The following AGMO variants were observed in gnomAD, a reference collection of about 807,000 sequenced individuals.
The protein encoded by AGMO is glyceryl-ether monooxygenase.
In AGMO, 75 loss-of-function variants were observed where a neutral mutation model predicts 60.2. That is an observed-to-expected ratio of 1.25 (90% CI 1.03 to 1.51). The LOEUF (loss-of-function observed/expected upper bound fraction) is 1.51, where lower values mean the gene tolerates loss of function less well. Ranked by LOEUF, AGMO falls within the 40% of genes most tolerant of loss-of-function variation. AGMO has a pLI of 0.00. For synonymous variants in AGMO, 261 were observed against 177.1 expected (o/e 1.47, Z -3.76); for missense variants, 763 against 525.5 (o/e 1.45, Z -4.42).
At chr7:15,398,156 C>T (rs1784461274) in intron 5 of AGMO, among the ~76,000 whole-genome samples, 1 of 152,118 alleles carries the variant, frequency 6.6e-6, no homozygotes, top group Admixed American at 6.5e-5. Context: ...CTACACTGAC[C>T]AGCTTCTGCT....
intron 10 of AGMO, among the ~76,000 whole-genome samples, chr7:15,367,143 T>C (rs1361967185): frequency 6.6e-6 from 1 of 152,026 alleles, no homozygotes; most frequent in Non-Finnish European, 1.5e-5. Context: ...TAAATATTTG[T>C]CTCAATTTTA....
chr7:15,451,905 A>G (rs1281939362), intron 3 of AGMO, among the ~76,000 whole-genome samples: 3 of 152,188 alleles, frequency 2.0e-5, no homozygotes, highest in Non-Finnish European at 4.4e-5. Context: ...ACTTATTGGA[A>G]CACGGTTTGA....
chr7:15,337,261 C>T (rs1165571694), intron 12 of AGMO, among the ~76,000 whole-genome samples: 2 of 152,082 alleles, frequency 1.3e-5, no homozygotes, highest in African/African-American at 4.8e-5. Flanking sequence ...TGGAATAATG[C>T]AGGAAATATG....
In AGMO at chr7:15,348,338, C is replaced by T. The variant is rs115352343; in HGVS notation, c.1263+17176G>A. The stretch of plus-strand genomic sequence containing the variant: ...ACATACTACTTAAAATGATCCTGGC[C>T]GGAGATAAGCAAGTGAAATTGCATT... On this transcript the variant is annotated intron_variant, in intron 12 of 12. Transcript: ENST00000342526. Among the ~76,000 whole-genome samples, 453 of 151,792 alleles carry T rather than the reference C, an allele frequency of 3.0e-3. 2 individuals are homozygous for T. The highest frequency in any genetic ancestry group is 0.01 in the African/African-American group (430 of 41,432).
rs549370438 is a variant in AGMO at position 15,557,547 on chromosome 7, A to G, written c.257+2594T>C. 2.4e-4 allele frequency among the ~76,000 whole-genome samples: 37 copies of G among 152,052 alleles called. No individual in the cohort carries two copies. In the East Asian group the frequency reaches 6.8e-3, roughly 28 times the overall value. ...TTTTTCTGAAAGGGGATTGAGAGGA[A>G]TGGATCCACAGGCTCGCTTTTCCTT... On this transcript the variant is annotated intron_variant, in intron 2 of 12. Coordinates refer to ENST00000342526, the MANE Select transcript of AGMO (RefSeq NM_001004320.2).
the AGMO span, among the ~76,000 whole-genome samples, chr7:15,119,029 T>A: frequency 6.6e-6 from 1 of 151,166 alleles, no homozygotes; most frequent in Non-Finnish European, 1.5e-5. Flanking sequence ...GAACTAGATA[T>A]GAGTGGAAAA....
chr7:15,560,025 A>AT, intron 2 of AGMO, 116 bp downstream of exon 2: 1 of 1,076,678 alleles, frequency 9.3e-7, no homozygotes, highest in Non-Finnish European at 1.3e-6. Flanking sequence ...CATGAACTGA[A>AT]TTTTTTGGGA....
chr7:15,182,104 A>T, the AGMO span, among the ~76,000 whole-genome samples: 1 of 152,360 alleles, frequency 6.6e-6, no homozygotes, highest in Non-Finnish European at 1.5e-5. Context: ...AGTCAAAAAA[A>T]GGAAAAATAT....
intron 12 of AGMO, among the ~76,000 whole-genome samples, chr7:15,348,156 CA>C (rs1782102736): frequency 6.6e-6 from 1 of 151,848 alleles, no homozygotes; most frequent in Non-Finnish European, 1.5e-5. Context: ...ACATGTAATC[CA>C]AAAGGAACAG....
At chr7:15,272,416 G>C (rs553539556) in intron 12 of AGMO, among the ~76,000 whole-genome samples, 2 of 151,742 alleles carry the variant, frequency 1.3e-5, no homozygotes, top group Non-Finnish European at 2.9e-5. Context: ...TCCTGAGAAA[G>C]ATAGTTTCCA....
intron 12 of AGMO, among the ~76,000 whole-genome samples, chr7:15,342,355 C>T (rs1781882746): frequency 6.6e-6 from 1 of 151,632 alleles, no homozygotes; most frequent in Non-Finnish European, 1.5e-5. Context: ...AATTGCTGCT[C>T]CAAAATTAAA....
At chr7:15,140,532 T>C in the AGMO span, among the ~76,000 whole-genome samples, 4 of 152,148 alleles carry the variant, frequency 2.6e-5, no homozygotes, top group African/African-American at 9.7e-5. Flanking sequence ...TTTCAGGACT[T>C]CCATTCTCAA....
At chr7:15,496,463 T>C (rs534483183) in intron 3 of AGMO, among the ~76,000 whole-genome samples, 16 of 152,086 alleles carry the variant, frequency 1.1e-4, no homozygotes, top group Non-Finnish European at 1.6e-4. Context: ...AAACTCAGGG[T>C]TTCTCCCCTG....
chr7:15,443,152 T>C (rs1247312839), intron 3 of AGMO, among the ~76,000 whole-genome samples: 2 of 152,202 alleles, frequency 1.3e-5, no homozygotes, highest in South Asian at 4.1e-4. Context: ...CAGGAAACCC[T>C]GGGATACAGA....
At position 15,431,081 on chromosome 7, in the gene AGMO, T is replaced by G. The variant is rs533732810; in HGVS notation, c.437A>C (p.Gln146Pro). 2 of 1,611,658 alleles carry G rather than the reference T, an allele frequency of 1.2e-6. No individual in the cohort carries two copies. The highest frequency in any genetic ancestry group is 1.7e-6 in the Non-Finnish European group (2 of 1,178,304). The change falls in exon 4 of 13, where the codon CAA becomes CCA. Residue 146 changes from glutamine (Q) to proline (P), a missense_variant. Gln to Pro is a moderately conservative substitution (Grantham distance 76, BLOSUM62 -1). Coordinates refer to ENST00000342526, the MANE Select transcript of AGMO (RefSeq NM_001004320.2). ...HEVNIMWAGH[Q>P]THHSSEDYNL... ...ATAGTCTTCAGAACTATGATGTGTT[T>G]GGTGTCCGGCCCACATAATATTAAC... is the stretch of plus-strand genomic sequence containing the variant.
intron 4 of AGMO, among the ~76,000 whole-genome samples, chr7:15,425,879 A>G (rs1270484599): frequency 6.6e-6 from 1 of 152,230 alleles, no homozygotes; most frequent in African/African-American, 2.4e-5. Context: ...AAAGGTGGAA[A>G]GACATGACAG....
At chr7:15,242,851 T>C (rs1177065884) in intron 12 of AGMO, among the ~76,000 whole-genome samples, 1 of 152,116 alleles carries the variant, frequency 6.6e-6, no homozygotes, top group African/African-American at 2.4e-5. Flanking sequence ...TGATTTAATC[T>C]ATTGAAATAT....
At chr7:15,373,965 T>C (rs773374318) in intron 10 of AGMO, among the ~76,000 whole-genome samples, 2 of 152,212 alleles carry the variant, frequency 1.3e-5, no homozygotes, top group African/African-American at 2.4e-5. Context: ...AGGCAGCAGA[T>C]TGGCTTTCTT....
intron 3 of AGMO, among the ~76,000 whole-genome samples, chr7:15,462,600 T>TC (rs1782171716): frequency 3.3e-5 from 5 of 152,176 alleles, no homozygotes; most frequent in Non-Finnish European, 5.9e-5. Context: ...GTACGAGCTT[T>TC]AGATCTATAT....
Sources: gnomAD v4.1 joint callset for allele counts (sites outside exome capture counted in the v4.1 genomes callset) on GRCh38, gnomAD v4.1.1 for gene constraint, MANE v1.5 for transcripts, NCBI Gene and HGNC (gene_info 2026-07-23, HGNC 2026-07-21) for gene names.